Variants in MFHAS1 observed in about 807,000 individuals in gnomAD.
MFHAS1 encodes malignant fibrous histiocytoma-amplified sequence 1.
In MFHAS1, 50 loss-of-function variants were observed where a neutral mutation model predicts 70.4. The observed-to-expected ratio is 0.71, with a 90% CI of 0.57 to 0.90. MFHAS1 has a LOEUF of 0.90. Among genes scored for constraint, MFHAS1 ranks in the 40% least tolerant of loss-of-function variants. The pLI, the probability that MFHAS1 is intolerant of heterozygous loss-of-function variation, is 0.00. For missense variants in MFHAS1, 1,795 were observed against 1,347.6 expected (o/e 1.33, Z -5.20); for synonymous variants, 952 against 620.0 (o/e 1.54, Z -7.96).
chr8:8,880,930 C>T (rs981213617), intron 1 of MFHAS1, among the ~76,000 whole-genome samples: 2 of 152,074 alleles, frequency 1.3e-5, no homozygotes, highest in African/African-American at 2.4e-5. Flanking sequence ...AGTGATCCAC[C>T]TCCTCAGCCT....
intron 1 of MFHAS1, among the ~76,000 whole-genome samples, chr8:8,811,902 C>T (rs1485899944): frequency 6.6e-6 from 1 of 152,210 alleles, no homozygotes; most frequent in Admixed American, 6.5e-5. Flanking sequence ...TCTTCTTCCA[C>T]AGGGTACACA....
chr8:8,806,068 G>A (rs146638132), intron 1 of MFHAS1, among the ~76,000 whole-genome samples: 1 of 152,134 alleles, frequency 6.6e-6, no homozygotes, highest in Non-Finnish European at 1.5e-5. Flanking sequence ...CTGTAGCATT[G>A]TTCCCTACGT....
rs1233626464 is a variant in MFHAS1, at chr8:8,892,129, C to T, written c.930G>A (p.Ser310=). The T allele has an allele frequency of 4.3e-6, 7 of 1,612,340 alleles. No individual in the cohort carries two copies. Among genetic ancestry groups the T allele is most frequent in the Non-Finnish European group, 5.9e-6 (7 of 1,180,026 alleles). ...CCAGGCCCGAGATAAGGGATGGCAC[C>T]GAGGTGAGCTGGTTGCGACTAAGGT... ...ELYLSRNQLT[S]VPSLISGLGR... Residue 310 remains serine (S), a synonymous_variant, in exon 1 of 3, where the codon TCG becomes TCA. Transcript: ENST00000276282. This position sits in a 1 kb window ranked among gnomAD's most constrained non-coding sequence, Gnocchi z 4.7.
intron 1 of MFHAS1, among the ~76,000 whole-genome samples, chr8:8,887,798 T>C (rs1809824291): frequency 6.6e-6 from 1 of 150,620 alleles, no homozygotes; most frequent in South Asian, 2.1e-4. Context: ...AGTACAAGCT[T>C]GTCTGTGGAA....
intron 1 of MFHAS1, among the ~76,000 whole-genome samples, chr8:8,854,291 G>C (rs536051134): frequency 4.6e-5 from 7 of 152,220 alleles, no homozygotes; most frequent in East Asian, 1.9e-4. Context: ...CCAGCACTTT[G>C]GGAGGTCAAG....
At chr8:8,832,150 C>T (rs1409344728) in intron 1 of MFHAS1, among the ~76,000 whole-genome samples, 1 of 147,548 alleles carries the variant, frequency 6.8e-6, no homozygotes, top group Non-Finnish European at 1.5e-5. Context: ...TCACAAACTT[C>T]TAGGTGAAGG....
intron 1 of MFHAS1, among the ~76,000 whole-genome samples, chr8:8,866,648 G>T (rs1044311803): frequency 5.3e-5 from 8 of 152,144 alleles, no homozygotes; most frequent in African/African-American, 1.7e-4. Flanking sequence ...CTAGTAAAAA[G>T]GATCCGTGAT....
intron 1 of MFHAS1, among the ~76,000 whole-genome samples, chr8:8,863,870 C>T (rs1342233209): frequency 6.6e-6 from 1 of 152,112 alleles, no homozygotes; most frequent in East Asian, 1.9e-4. Flanking sequence ...CTCAGAAAAC[C>T]AACCATCAGG....
rs1242183628 is a variant in MFHAS1, at chr8:8,890,381, C to T, written c.2678G>A (p.Gly893Glu). The T allele has an allele frequency of 9.9e-6, 16 of 1,614,158 alleles. No individual in the cohort carries two copies. The highest frequency in any genetic ancestry group is 1.4e-5 in the Non-Finnish European group (16 of 1,180,042). ...EYSFPFTFPL[G>E]LFARYSVQIN... The stretch of plus-strand genomic sequence containing the variant: ...CTGGACACTGTAGCGTGCAAACAAC[C>T]CAAGTGGAAAAGTAAAAGGAAAGCT... Residue 893 changes from glycine to glutamate, a missense_variant, in exon 1 of 3, where the codon GGG (glycine) becomes GAG (glutamate). Coordinates refer to ENST00000276282, the MANE Select transcript of MFHAS1 (RefSeq NM_004225.3).
intron 1 of MFHAS1, among the ~76,000 whole-genome samples, chr8:8,841,201 G>A (rs573650000): frequency 2.6e-5 from 4 of 152,272 alleles, no homozygotes; most frequent in East Asian, 3.9e-4. Context: ...TGGGTCGGGC[G>A]TGGTGGCTCA....
At chr8:8,889,976 A>T in intron 1 of MFHAS1, 85 bp downstream of exon 1, 1 of 1,194,798 alleles carries the variant, frequency 8.4e-7, no homozygotes, top group Non-Finnish European at 1.2e-6. Context: ...AAGTTAAACA[A>T]ACATTCTGCC....
rs781488522 is a variant in MFHAS1 at position 8,892,981 on chromosome 8, C to G, written c.78G>C (p.Arg26=). 8.2e-5 allele frequency: 127 copies of G among 1,539,800 alleles called. No homozygotes were observed. The highest frequency in any genetic ancestry group is 2.8e-4 in the Admixed American group (14 of 50,558). The change falls in exon 1 of 3, where the codon CGG becomes CGC. Residue 26 remains arginine, a synonymous_variant. Transcript: ENST00000276282. This position sits in a 1 kb window ranked among gnomAD's most constrained non-coding sequence, Gnocchi z 4.7. The stretch of plus-strand genomic sequence containing the variant: ...TAAGCGTGAGCTGGCGCAGGTTGCT[C>G]CGCAGCTTCCTGGCACGCAGGGCGG... ...RDAALRARKL[R]SNLRQLTLTA... is the part of the protein sequence containing the mutation.
In MFHAS1 at chr8:8,818,926, T is replaced by G. The variant is rs905737843; in HGVS notation, c.2999-21435A>C. 7.9e-5 allele frequency among the ~76,000 whole-genome samples: 12 copies of G among 152,354 alleles called. No homozygotes were observed. The East Asian group carries it at 2.1e-3, about 27-fold the overall frequency. On this transcript the variant is annotated intron_variant, in intron 1 of 2. Coordinates refer to ENST00000276282, the MANE Select transcript of MFHAS1 (RefSeq NM_004225.3). ...GAAGTGTATTATTTGTAGCCCCTTT[T>G]TGGAGAAAAATTATTCTGCTTCAAG... is the stretch of plus-strand genomic sequence containing the variant.
chr8:8,817,970 G>C (rs935361514), intron 1 of MFHAS1, among the ~76,000 whole-genome samples: 2 of 152,170 alleles, frequency 1.3e-5, no homozygotes, highest in Admixed American at 6.5e-5. Context: ...ACTGGTACTG[G>C]TCTGTGGCCC....
At chr8:8,812,916 A>G (rs1806603611) in intron 1 of MFHAS1, among the ~76,000 whole-genome samples, 2 of 152,204 alleles carry the variant, frequency 1.3e-5, no homozygotes, top group Admixed American at 1.3e-4. Flanking sequence ...ACAGGCGTGC[A>G]CCACCACGCC....
At position 8,832,627 on chromosome 8, in the gene MFHAS1, C is replaced by CT. The variant is rs137896964; in HGVS notation, c.2999-35137dup. Reference sequence around the variant, plus strand: ...CATGTGATGCAACCAGAATTTTTTTCTTTTTTTTTTTTTTTTTTCAAGACA... The same window carrying CT: ...CATGTGATGCAACCAGAATTTTTTTCTTTTTTTTTTTTTTTTTTTCAAGACA... On this transcript the variant is annotated intron_variant, in intron 1 of 2. Coordinates refer to ENST00000276282, the MANE Select transcript of MFHAS1 (RefSeq NM_004225.3). 2.2e-3 allele frequency among the ~76,000 whole-genome samples: 263 copies of CT among 121,916 alleles called. 14 individuals are homozygous for CT. Among genetic ancestry groups the CT allele is most frequent in the Middle Eastern group, 0.014 (3 of 214 alleles). The allele number at this position is 121,916 out of a possible 152,430, so 80.0% of individuals were successfully genotyped here. A position where few individuals can be genotyped will look rare whatever the true frequency, so the allele number is the denominator to read the frequency against.
Position 8,891,858 on chromosome 8 carries a change from G to C in MFHAS1, c.1201C>G (p.His401Asp). 11 of 1,612,566 alleles carry C rather than the reference G, an allele frequency of 6.8e-6. No homozygotes were observed. Among genetic ancestry groups the C allele is most frequent in the Non-Finnish European group, 8.5e-6 (10 of 1,179,554 alleles). ...CGGGGCTGCACCGCCGGCTGGGAAT[G>C]AGCCAGTTCCTTCTGGTAGGCTGCG... ...YIAAYQKELAHSQPAVQPRLK... is the reference protein window; with the variant it reads ...YIAAYQKELADSQPAVQPRLK... The change falls in exon 1 of 3, where the codon CAT (histidine) becomes GAT (aspartate). Residue 401 changes from histidine to aspartate, a missense_variant. Physicochemically the swap from His to Asp is moderately conservative, Grantham distance 81. Coordinates refer to ENST00000276282, the MANE Select transcript of MFHAS1 (RefSeq NM_004225.3). This position sits in a 1 kb window ranked among gnomAD's most constrained non-coding sequence, Gnocchi z 5.4.
intron 1 of MFHAS1, among the ~76,000 whole-genome samples, chr8:8,832,370 T>C (rs1407405428): frequency 6.7e-6 from 1 of 149,180 alleles, no homozygotes; most frequent in African/African-American, 2.5e-5. Context: ...TACAGCTCAA[T>C]GATAAGACGA....
At chr8:8,854,771 C>A (rs574135981) in intron 1 of MFHAS1, among the ~76,000 whole-genome samples, 86 of 152,200 alleles carry the variant, frequency 5.7e-4, no homozygotes, top group African/African-American at 1.9e-3. Flanking sequence ...AAAAATTATT[C>A]GTTGCTTACG....
Sources: allele counts gnomAD v4.1 joint callset (sites outside exome capture counted in the v4.1 genomes callset), GRCh38; gene constraint gnomAD v4.1.1; non-coding constraint Gnocchi (gnomAD v3.1); transcripts MANE v1.5; gene names NCBI Gene and HGNC (gene_info 2026-07-23, HGNC 2026-07-21).